PELI1: variants seen among roughly 807,000 people sequenced by gnomAD.
PELI1 encodes the protein E3 ubiquitin-protein ligase pellino homolog 1.
Under a neutral mutation model 41.3 loss-of-function variants are expected in PELI1, and 15 were observed. That is an observed-to-expected ratio of 0.36 (90% confidence interval 0.24 to 0.56). The LOEUF is 0.56. Among genes scored for constraint, PELI1 ranks in the 20% least tolerant of loss-of-function variants. The pLI is 0.82. For synonymous variants in PELI1, 178 were observed against 180.1 expected (o/e 0.99, Z 0.09); for missense variants, 403 against 525.5 (o/e 0.77, Z 2.28).
intron 1 of PELI1, among the ~76,000 whole-genome samples, chr2:64,129,065 C>T (rs2103732251): frequency 6.6e-6 from 1 of 152,274 alleles, no homozygotes; most frequent in Admixed American, 6.5e-5. Context: ...TTCATTCCAG[C>T]TAAATCAATT....
chr2:64,102,835 C>CTTTT (rs1221467456), intron 3 of PELI1, among the ~76,000 whole-genome samples: 4 of 133,148 alleles, frequency 3.0e-5, no homozygotes, highest in Admixed American at 7.8e-5. Flanking sequence ...AGGAGTCAAT[C>CTTTT]TTTTTTTTTT....
chr2:64,123,935 A>C (rs1314105491), intron 1 of PELI1, among the ~76,000 whole-genome samples: 1 of 152,262 alleles, frequency 6.6e-6, no homozygotes, highest in Non-Finnish European at 1.5e-5. Flanking sequence ...GTATATCCAT[A>C]TAATGGAATA....
chr2:64,110,487 C>T (rs1680777064), intron 1 of PELI1, among the ~76,000 whole-genome samples: 2 of 151,876 alleles, frequency 1.3e-5, no homozygotes, highest in African/African-American at 4.8e-5. Context: ...TAAAGAATGG[C>T]TAGAGGAAAT....
chr2:64,106,727 A>C (rs1403161680), intron 2 of PELI1, among the ~76,000 whole-genome samples: 1 of 152,220 alleles, frequency 6.6e-6, no homozygotes, highest in Non-Finnish European at 1.5e-5. Flanking sequence ...GCAGTGCTGA[A>C]CAAGCACCGG....
intron 1 of PELI1, among the ~76,000 whole-genome samples, chr2:64,122,816 G>C (rs1681267788): frequency 2.6e-5 from 4 of 152,072 alleles, no homozygotes; most frequent in Non-Finnish European, 5.9e-5. Context: ...GGTTTAAGAA[G>C]AAAAATAATC....
intron 1 of PELI1, among the ~76,000 whole-genome samples, chr2:64,108,736 G>A (rs1317476129): frequency 3.3e-5 from 5 of 152,114 alleles, no homozygotes; most frequent in East Asian, 3.9e-4. Context: ...GGAATGACAC[G>A]GTGGTGTAAA....
intron 1 of PELI1, among the ~76,000 whole-genome samples, chr2:64,138,214 G>A (rs1248607381): frequency 6.6e-6 from 1 of 151,988 alleles, no homozygotes. Context: ...TGGCACTACA[G>A]GTGCAAGCCA....
intron 1 of PELI1, among the ~76,000 whole-genome samples, chr2:64,126,257 G>A (rs990468646): frequency 4.6e-5 from 7 of 152,066 alleles, no homozygotes; most frequent in Non-Finnish European, 7.4e-5. Flanking sequence ...TCTGCCTCCC[G>A]GGTTCAACCG....
intron 3 of PELI1, among the ~76,000 whole-genome samples, chr2:64,103,791 T>C (rs1680527610): frequency 6.6e-6 from 1 of 152,244 alleles, no homozygotes. Context: ...TACAAAGATA[T>C]GCTTCAGATG....
rs1680186359 is a variant in PELI1, at chr2:64,095,103, A to G, written c.856T>C (p.Phe286Leu). The G allele has an allele frequency of 6.2e-7, 1 of 1,614,142 alleles. No homozygotes were observed. Among genetic ancestry groups the G allele is most frequent in the Non-Finnish European group, 8.5e-7 (1 of 1,180,008 alleles). The change falls in exon 7 of 7, where the codon TTC (phenylalanine) becomes CTC (leucine). Residue 286 changes from phenylalanine to leucine, a missense_variant. Phe to Leu is a conservative substitution (Grantham distance 22). Coordinates refer to ENST00000358912, the MANE Select transcript of PELI1 (RefSeq NM_020651.4). ...ATACTAGGAAATGCTAGTGTGTTGA[A>G]CCCTACAGGGCACTGAGGTCGTGCT... Reference protein sequence around the residue: ...NAARPQCPVGFNTLAFPSMKR... With the variant: ...NAARPQCPVGLNTLAFPSMKR...
chr2:64,116,127 G>A (rs909894871), intron 1 of PELI1, among the ~76,000 whole-genome samples: 5 of 152,130 alleles, frequency 3.3e-5, no homozygotes, highest in African/African-American at 1.2e-4. Flanking sequence ...GACAGTTTAG[G>A]AACAGACAGG....
At chr2:64,097,632 T>A (rs1017500627) in intron 4 of PELI1, among the ~76,000 whole-genome samples, 24 of 152,294 alleles carry the variant, frequency 1.6e-4, no homozygotes, top group Non-Finnish European at 2.6e-4. Context: ...ATTTGGAAAT[T>A]ATCAGTTCAT....
At chr2:64,110,311 T>C (rs1680770612) in intron 1 of PELI1, among the ~76,000 whole-genome samples, 1 of 149,818 alleles carries the variant, frequency 6.7e-6, no homozygotes, top group Non-Finnish European at 1.5e-5. Context: ...GAACACTGCA[T>C]TTATAACGAC....
intron 4 of PELI1, 148 bp from the exon 5 acceptor site, chr2:64,096,758 T>G: frequency 1.7e-6 from 1 of 584,250 alleles, no homozygotes; most frequent in Non-Finnish European, 3.1e-6. Context: ...GCATCTATAC[T>G]CTTGAAAACT....
At chr2:64,124,337 GC>G (rs1336650520) in intron 1 of PELI1, among the ~76,000 whole-genome samples, 1 of 152,104 alleles carries the variant, frequency 6.6e-6, no homozygotes, top group East Asian at 1.9e-4. Context: ...AAGCAAGCAA[GC>G]AAATAAAGCT....
intron 1 of PELI1, among the ~76,000 whole-genome samples, chr2:64,119,192 C>T (rs1416785015): frequency 1.3e-5 from 2 of 152,114 alleles, no homozygotes; most frequent in East Asian, 3.9e-4. Context: ...TTAACTTCTT[C>T]CCTAAGATGG....
At chr2:64,101,388 A>T (rs1680427308) in intron 3 of PELI1, among the ~76,000 whole-genome samples, 2 of 152,106 alleles carry the variant, frequency 1.3e-5, no homozygotes, top group Admixed American at 1.3e-4. Context: ...AAGGAAAGGG[A>T]TGTAATGCTT....
chr2:64,139,079 G>GA (rs1422220477), intron 1 of PELI1, among the ~76,000 whole-genome samples: 4 of 152,012 alleles, frequency 2.6e-5, no homozygotes, highest in African/African-American at 9.7e-5. Flanking sequence ...TCTCACACCT[G>GA]AAAAAATGGA....
intron 1 of PELI1, among the ~76,000 whole-genome samples, chr2:64,137,026 T>C (rs1045371698): frequency 6.6e-6 from 1 of 152,226 alleles, no homozygotes; most frequent in African/African-American, 2.4e-5. Flanking sequence ...ATGTTTAGTT[T>C]CTCAGGTTGG....
Sources: gnomAD v4.1 joint callset for allele counts (sites outside exome capture counted in the v4.1 genomes callset) on GRCh38, gnomAD v4.1.1 for gene constraint, MANE v1.5 for transcripts, NCBI Gene and HGNC (gene_info 2026-07-23, HGNC 2026-07-21) for gene names.